Variants in PPM1F observed in about 807,000 individuals in gnomAD.
PPM1F encodes protein phosphatase, Mg2+/Mn2+ dependent 1F.
PPM1F carries 17 observed loss-of-function variants against 35.5 expected under a neutral mutation model. The ratio of observed to expected loss-of-function variants is 0.48; its 90% CI spans 0.33 to 0.72. The LOEUF is 0.72. Ranked by LOEUF, PPM1F falls within the 30% of genes least tolerant of loss-of-function variation. The probability of loss-of-function intolerance (pLI) is 0.02; values close to 1 mark genes in which losing one functional copy is unlikely to be tolerated. For synonymous variants in PPM1F, 241 were observed against 255.5 expected (o/e 0.94, Z 0.54); for missense variants, 521 against 613.0 (o/e 0.85, Z 1.59).
At chr22:21,944,106 AT>A (rs3838149) in intron 2 of PPM1F, 18,336 of 152,368 alleles carry the variant, frequency 0.12, 1,201 homozygotes, top group African/African-American at 0.14. Flanking sequence ...CCTCCCGTGC[AT>A]TGGCACCCCT....
At chr22:21,932,072 C>G (rs2070597895) in intron 5 of PPM1F, among the ~76,000 whole-genome samples, 1 of 152,148 alleles carries the variant, frequency 6.6e-6, no homozygotes, top group East Asian at 1.9e-4. Flanking sequence ...CCCACCTCAG[C>G]CTCCCAAAGT....
chr22:21,933,939 G>T, intron 4 of PPM1F, 85 bp downstream of exon 4: 1 of 1,312,904 alleles, frequency 7.6e-7, no homozygotes. Flanking sequence ...AGCCTTGGTG[G>T]GCAGCTCTTC....
At chr22:21,938,396 A>G in intron 3 of PPM1F, 1 of 1,158,270 alleles carries the variant, frequency 8.6e-7, no homozygotes, top group Non-Finnish European at 1.1e-6. Flanking sequence ...GGCTAAGGCA[A>G]GGCTGCGCTC....
At chr22:21,941,402 C>A in intron 2 of PPM1F, 1 of 152,618 alleles carries the variant, frequency 6.6e-6, no homozygotes, top group Non-Finnish European at 1.5e-5. Context: ...AATGGAGGGG[C>A]AGGGACAGTG....
intron 6 of PPM1F, chr22:21,925,924 C>T (rs1264461180): frequency 2.2e-5 from 9 of 405,154 alleles, no homozygotes; most frequent in Non-Finnish European, 3.5e-5. Flanking sequence ...GGTGCCTGCG[C>T]CCCTGGGCAG....
rs1482902864 is a variant in PPM1F at position 21,939,868 on chromosome 22, G to T, written c.207-188C>A. ...CGCACAACCATCTGGTGGGGAGCTG[G>T]ACCATACTTGAGCCTGCGGCTAGTT... On this transcript the variant is annotated intron_variant, in intron 2 of 7. Transcript: ENST00000263212. This position sits in a 1 kb window ranked among gnomAD's most constrained non-coding sequence, Gnocchi z 5.1. 1.3e-5 allele frequency among the ~76,000 whole-genome samples: 2 copies of T among 152,200 alleles called. No homozygotes were observed. Among genetic ancestry groups the T allele is most frequent in the African/African-American group, 4.8e-5 (2 of 41,440 alleles).
chr22:21,936,704 G>A (rs1601786026), intron 3 of PPM1F: 2 of 152,208 alleles, frequency 1.3e-5, no homozygotes, highest in South Asian at 2.1e-4. Flanking sequence ...CACATGGGAC[G>A]GGACCAGGGC....
chr22:21,932,219 C>T (rs2070600193), intron 5 of PPM1F, among the ~76,000 whole-genome samples: 1 of 152,238 alleles, frequency 6.6e-6, no homozygotes, highest in South Asian at 2.1e-4. Flanking sequence ...TCCCAAAGTG[C>T]CGGGATTACA....
rs942166117 is a variant in PPM1F at position 21,919,499 on chromosome 22, T to C, written c.*3593A>G. On this transcript the variant is annotated 3_prime_UTR_variant, in exon 8 of 8. Transcript: ENST00000263212. ...ACTGCCTTTCTGGCATCTTGGGACT[T>C]GTCCCTAAGAATAGGGAAGACAGTC... 1 of 152,556 alleles carries C rather than the reference T, an allele frequency of 6.6e-6. No homozygotes were observed. Among genetic ancestry groups the C allele is most frequent in the African/African-American group, 2.4e-5 (1 of 41,426 alleles). 9.5% of individuals were successfully genotyped at this position (152,556 alleles called of 1,614,324 possible).
chr22:21,946,162 C>G, intron 1 of PPM1F, 54 bp from the exon 2 acceptor site: 1 of 846,228 alleles, frequency 1.2e-6, no homozygotes, highest in South Asian at 2.0e-5. Context: ...ACCAGCAATG[C>G]AGGTGCCCAC....
intron 3 of PPM1F, chr22:21,935,040 G>A (rs1164365060): frequency 6.6e-6 from 1 of 152,114 alleles, no homozygotes; most frequent in Non-Finnish European, 1.5e-5. Flanking sequence ...TCACATAAAA[G>A]CTTGAACACA....
chr22:21,931,421 T>A (rs1352995281), intron 5 of PPM1F, 130 bp from the exon 6 acceptor site: 1 of 902,888 alleles, frequency 1.1e-6, no homozygotes, highest in Non-Finnish European at 1.6e-6. Flanking sequence ...CAGGTGTATA[T>A]GTGTATAAGC....
intron 1 of PPM1F, chr22:21,946,785 A>C (rs922016738): frequency 6.6e-6 from 1 of 152,092 alleles, no homozygotes; most frequent in Non-Finnish European, 1.5e-5. Context: ...AGGAGGAGGG[A>C]ATTGTGAGCC....
At chr22:21,949,040 A>C (rs2070808043) in intron 1 of PPM1F, 1 of 152,348 alleles carries the variant, frequency 6.6e-6, no homozygotes, top group Middle Eastern at 3.4e-3. Flanking sequence ...ACCCTGATTC[A>C]CTGTGGCCAC....
Position 21,922,331 on chromosome 22 carries a change from T to C in PPM1F, c.*761A>G, listed in dbSNP as rs1341251309. On this transcript the variant is annotated 3_prime_UTR_variant, in exon 8 of 8. Transcript: ENST00000263212. ...TGCTTAAATTATATGACACAACAGG[T>C]CATCTTGGCACTGATAAAACAAAGA... is the stretch of plus-strand genomic sequence containing the variant. 1 of 152,496 alleles carries C rather than the reference T, an allele frequency of 6.6e-6. No individual in the cohort carries two copies. Among genetic ancestry groups the C allele is most frequent in the Non-Finnish European group, 1.5e-5 (1 of 68,030 alleles). 9.4% of individuals were successfully genotyped at this position (152,496 alleles called of 1,614,324 possible).
chr22:21,924,640 C>T (rs1031649076), intron 7 of PPM1F, among the ~76,000 whole-genome samples: 15 of 150,770 alleles, frequency 9.9e-5, no homozygotes, highest in African/African-American at 1.5e-4. Context: ...GCACGATCTC[C>T]GCTTACTGTA....
intron 6 of PPM1F, among the ~76,000 whole-genome samples, chr22:21,929,092 T>C (rs935602313): frequency 5.3e-5 from 8 of 152,164 alleles, no homozygotes; most frequent in Non-Finnish European, 8.8e-5. Flanking sequence ...TGGACCCCCG[T>C]TGAAGCTCGC....
intron 1 of PPM1F, chr22:21,946,444 G>C (rs886784287): frequency 6.0e-6 from 1 of 166,932 alleles, no homozygotes; most frequent in African/African-American, 2.4e-5. Context: ...GTAGGTGAGG[G>C]GGTTCAACCT....
intron 2 of PPM1F, among the ~76,000 whole-genome samples, chr22:21,940,827 G>T (rs73388140): frequency 6.6e-6 from 1 of 152,184 alleles, no homozygotes; most frequent in Non-Finnish European, 1.5e-5. Flanking sequence ...AGGAGCTGCC[G>T]GGGTGAGGGG....
Sources: gnomAD v4.1 joint callset for allele counts (sites outside exome capture counted in the v4.1 genomes callset) on GRCh38, gnomAD v4.1.1 for gene constraint, Gnocchi (gnomAD v3.1) non-coding constraint, MANE v1.5 for transcripts, NCBI Gene and HGNC (gene_info 2026-07-23, HGNC 2026-07-21) for gene names.